RARB: variants seen among roughly 807,000 people sequenced by gnomAD.
The protein encoded by RARB is HBV-activated protein.
In RARB, 17 loss-of-function variants were observed where a neutral mutation model predicts 51.9. The ratio of observed to expected loss-of-function variants is 0.33; its 90% CI spans 0.22 to 0.49. RARB has a LOEUF of 0.49. RARB is among the 20% of genes least tolerant of loss of function. The pLI is 0.99. For synonymous variants in RARB, 215 were observed against 195.4 expected (o/e 1.10, Z -0.84); for missense variants, 369 against 550.8 (o/e 0.67, Z 3.30).
rs1015858100 is a variant in RARB, at chr3:25,519,598, C to T, written c.448+18275C>T. Among the ~76,000 whole-genome samples the T allele has an allele frequency of 3.3e-5, 5 of 152,022 alleles. No individual in the cohort carries two copies. In the South Asian group the frequency reaches 8.3e-4, roughly 25 times the overall value. Reference sequence around the variant, plus strand: ...AACAAAATTATGCACAGTTTGATCTCATATTTGTAACAACACATAAGATTT... The same window carrying T: ...AACAAAATTATGCACAGTTTGATCTTATATTTGTAACAACACATAAGATTT... On this transcript the variant is annotated intron_variant, in intron 3 of 7. Coordinates refer to ENST00000330688, the MANE Select transcript of RARB (RefSeq NM_000965.5).
intron 3 of RARB, among the ~76,000 whole-genome samples, chr3:25,562,141 G>A (rs887807344): frequency 5.3e-5 from 8 of 152,088 alleles, no homozygotes; most frequent in Non-Finnish European, 7.4e-5. Context: ...TCAGATACAC[G>A]AGGGCAGCTT....
chr3:24,925,330 G>A (rs905727130), intron 2 of RARB, among the ~76,000 whole-genome samples: 1 of 151,942 alleles, frequency 6.6e-6, no homozygotes, highest in South Asian at 2.1e-4. Context: ...TTGCCATTTT[G>A]TTGTAGATAT....
chr3:24,874,555 T>G (rs185652474), intron 2 of RARB, among the ~76,000 whole-genome samples: 93 of 152,222 alleles, frequency 6.1e-4, no homozygotes, highest in African/African-American at 2.2e-3. Context: ...TTGCTGTGAT[T>G]CTCTGTATTG....
At chr3:25,032,974 C>T (rs1035719886) in intron 2 of RARB, among the ~76,000 whole-genome samples, 1 of 152,288 alleles carries the variant, frequency 6.6e-6, no homozygotes, top group South Asian at 2.1e-4. Flanking sequence ...AAACCCATTA[C>T]AGTCAAATTG....
chr3:25,326,732 A>G (rs547646221), intron 5 of RARB, among the ~76,000 whole-genome samples: 3 of 152,290 alleles, frequency 2.0e-5, no homozygotes, highest in South Asian at 2.1e-4. Context: ...AAAACTCCCA[A>G]TGAACATCCT....
intron 3 of RARB, among the ~76,000 whole-genome samples, chr3:25,502,255 G>C (rs1362253426): frequency 6.6e-6 from 1 of 152,182 alleles, no homozygotes; most frequent in African/African-American, 2.4e-5. Context: ...AAAGAGCCAG[G>C]CACCCCAATC....
chr3:25,126,935 A>G (rs950440199), intron 3 of RARB, among the ~76,000 whole-genome samples: 5 of 152,132 alleles, frequency 3.3e-5, no homozygotes, highest in African/African-American at 7.2e-5. Context: ...ACTACATTCA[A>G]TGCAACTTCC....
rs1448803899 is a variant in RARB, at chr3:25,219,181, G to C, written c.178+44606G>C. Among the ~76,000 whole-genome samples the C allele has an allele frequency of 2.6e-5, 4 of 151,858 alleles. No homozygotes were observed. In the South Asian group the frequency reaches 8.3e-4, roughly 32 times the overall value. ...AACATTTTATATATAAAATTTAATA[G>C]ATAATATCTGAAGTTTCCTATTAAA... On this transcript the variant is annotated intron_variant, in intron 5 of 11. Coordinates refer to the RARB transcript ENST00000383772.
At chr3:25,172,806 C>T (rs1375664521) in intron 4 of RARB, among the ~76,000 whole-genome samples, 2 of 152,128 alleles carry the variant, frequency 1.3e-5, no homozygotes, top group African/African-American at 4.8e-5. Flanking sequence ...CTAGTGTTTA[C>T]TATATACCAG....
chr3:24,883,657 A>G (rs1398128600), intron 2 of RARB, among the ~76,000 whole-genome samples: 1 of 152,076 alleles, frequency 6.6e-6, no homozygotes, highest in Non-Finnish European at 1.5e-5. Flanking sequence ...GTTAATGGTA[A>G]GCCTTTCATT....
At chr3:25,208,309 TC>T (rs1701607031) in intron 5 of RARB, among the ~76,000 whole-genome samples, 1 of 152,214 alleles carries the variant, frequency 6.6e-6, no homozygotes, top group South Asian at 2.1e-4. Context: ...ACAAATTTTT[TC>T]TTATTCTAAT....
intron 5 of RARB, among the ~76,000 whole-genome samples, chr3:25,303,409 T>C (rs887466881): frequency 3.3e-5 from 5 of 152,218 alleles, no homozygotes; most frequent in African/African-American, 1.2e-4. Flanking sequence ...TAGAACATAA[T>C]ATTTGACAAC....
intron 5 of RARB, among the ~76,000 whole-genome samples, chr3:25,314,590 A>G (rs546867188): frequency 2.0e-5 from 3 of 152,348 alleles, no homozygotes; most frequent in Admixed American, 2.0e-4. Flanking sequence ...ACTACAGTCC[A>G]TTCTAACACC....
intron 5 of RARB, among the ~76,000 whole-genome samples, chr3:25,392,538 C>T (rs918161634): frequency 6.6e-6 from 1 of 152,024 alleles, no homozygotes; most frequent in African/African-American, 2.4e-5. Flanking sequence ...GATGTGTTTC[C>T]ATTTGTTTGT....
intron 2 of RARB, among the ~76,000 whole-genome samples, chr3:25,476,460 A>C (rs917286278): frequency 6.6e-6 from 1 of 151,750 alleles, no homozygotes; most frequent in Non-Finnish European, 1.5e-5. Context: ...CTATTTTTAC[A>C]CTCCATTCTC....
chr3:24,993,404 A>G (rs1559425832), intron 2 of RARB, among the ~76,000 whole-genome samples: 1 of 152,074 alleles, frequency 6.6e-6, no homozygotes, highest in Non-Finnish European at 1.5e-5. Context: ...TTAAATTTTC[A>G]AAGTCTTTTT....
intron 4 of RARB, among the ~76,000 whole-genome samples, chr3:25,170,072 A>C (rs998985237): frequency 6.6e-6 from 1 of 152,056 alleles, no homozygotes; most frequent in African/African-American, 2.4e-5. Context: ...TGAGAAGGAT[A>C]GAGAGCTGTT....
intron 2 of RARB, among the ~76,000 whole-genome samples, chr3:25,023,612 T>C (rs1307918722): frequency 7.9e-5 from 12 of 152,148 alleles, no homozygotes; most frequent in Admixed American, 7.9e-4. Context: ...AGTCTCTGGG[T>C]CACTATTATT....
chr3:24,985,165 G>A (rs1696760191), intron 2 of RARB, among the ~76,000 whole-genome samples: 1 of 152,082 alleles, frequency 6.6e-6, no homozygotes, highest in African/African-American at 2.4e-5. Flanking sequence ...AGTAATTTTG[G>A]TTCATGCCCT....
Sources: allele counts gnomAD v4.1 joint callset (sites outside exome capture counted in the v4.1 genomes callset), GRCh38; gene constraint gnomAD v4.1.1; transcripts MANE v1.5; gene names NCBI Gene and HGNC (gene_info 2026-07-23, HGNC 2026-07-21).